Variants in SLC2A9 observed in about 807,000 individuals in gnomAD.
SLC2A9 encodes solute carrier family 2, facilitated glucose transporter member 9.
In SLC2A9, 39 loss-of-function variants were observed where a neutral mutation model predicts 50.6. That is an observed-to-expected ratio of 0.77 (90% CI 0.60 to 1.01). SLC2A9 has a LOEUF of 1.01. SLC2A9 is among the 50% of genes least tolerant of loss of function. SLC2A9 has a pLI of 0.00. For synonymous variants in SLC2A9, 324 were observed against 276.9 expected (o/e 1.17, Z -1.69); for missense variants, 686 against 677.6 (o/e 1.01, Z -0.14).
intron 1 of SLC2A9, among the ~76,000 whole-genome samples, chr4:10,037,262 C>T (rs1310352820): frequency 6.6e-6 from 1 of 152,214 alleles, no homozygotes; most frequent in African/African-American, 2.4e-5. Context: ...CACCACTGAA[C>T]TGTGTTCTGC....
In SLC2A9 at chr4:9,951,113, A is replaced by G. The variant is rs556406797; in HGVS notation, c.682-9068T>C. ...CCTAAGTGTCCATCAATGGATGAAT[A>G]AAGAAACTTTGGTATATATACATCA... On this transcript the variant is annotated intron_variant, in intron 5 of 11. Coordinates refer to ENST00000264784, the MANE Select transcript of SLC2A9 (RefSeq NM_020041.3). 7.2e-5 allele frequency among the ~76,000 whole-genome samples: 11 copies of G among 152,360 alleles called. No homozygotes were observed. The South Asian group carries it at 2.3e-3, about 32-fold the overall frequency.
At chr4:9,898,714 G>A (rs1364585876) in intron 8 of SLC2A9, among the ~76,000 whole-genome samples, 2 of 152,152 alleles carry the variant, frequency 1.3e-5, no homozygotes, top group African/African-American at 4.8e-5. Context: ...TGGGTCTGTG[G>A]GCCGTGTGGA....
intron 3 of SLC2A9, among the ~76,000 whole-genome samples, chr4:9,815,802 G>A (rs1013204080): frequency 6.6e-6 from 1 of 152,178 alleles, no homozygotes; most frequent in African/African-American, 2.4e-5. Flanking sequence ...AGGTGTCTAA[G>A]CAAGGTAATG....
At chr4:9,775,632 C>T (rs1319988929), downstream of SLC2A9, among the ~76,000 whole-genome samples, 1 of 151,794 alleles carries the variant, frequency 6.6e-6, no homozygotes, top group African/African-American at 2.4e-5. Context: ...TGGCATGTCC[C>T]TCCCCACACC....
intron 5 of SLC2A9, among the ~76,000 whole-genome samples, chr4:9,966,502 A>G (rs1481824355): frequency 1.3e-5 from 2 of 152,044 alleles, no homozygotes; most frequent in Non-Finnish European, 2.9e-5. Flanking sequence ...CCAAAAATAC[A>G]AAAATTAGCC....
intron 5 of SLC2A9, among the ~76,000 whole-genome samples, chr4:9,952,213 A>G (rs1229758421): frequency 6.6e-6 from 1 of 152,172 alleles, no homozygotes; most frequent in African/African-American, 2.4e-5. Flanking sequence ...ATTCGAATAT[A>G]TGTCCCTGCC....
chr4:9,947,389 C>T (rs925437749), intron 5 of SLC2A9, among the ~76,000 whole-genome samples: 7 of 152,230 alleles, frequency 4.6e-5, no homozygotes, highest in Non-Finnish European at 1.0e-4. Context: ...AAAGGTGCAC[C>T]GAGCACTCAG....
intron 6 of SLC2A9, among the ~76,000 whole-genome samples, chr4:9,933,968 A>T (rs1746611832): frequency 6.6e-6 from 1 of 152,112 alleles, no homozygotes; most frequent in African/African-American, 2.4e-5. Context: ...TTGTGATTGC[A>T]TTGGGCTTAC....
intron 5 of SLC2A9, among the ~76,000 whole-genome samples, chr4:9,969,127 T>C (rs1202908294): frequency 2.0e-5 from 3 of 152,200 alleles, no homozygotes; most frequent in Non-Finnish European, 2.9e-5. Context: ...CTCTCTCATC[T>C]TGTAGAGATA....
rs1736457923 is a variant in SLC2A9, at chr4:9,887,358, C to CAGG, written c.1291+206_1291+208dup. On this transcript the variant is annotated intron_variant, in intron 10 of 11. Transcript: ENST00000264784. ...TGGGAAATTATCTCCCACTCATCTT[C>CAGG]AGGTGAGTCCACTTTCACCTTCTGT... is the stretch of plus-strand genomic sequence containing the variant. 2.6e-5 allele frequency among the ~76,000 whole-genome samples: 4 copies of CAGG among 152,336 alleles called. No individual in the cohort carries two copies. The South Asian group carries it at 8.3e-4, about 32-fold the overall frequency.
At chr4:10,003,375 T>C (rs1438358726) in intron 2 of SLC2A9, among the ~76,000 whole-genome samples, 1 of 152,204 alleles carries the variant, frequency 6.6e-6, no homozygotes, top group Non-Finnish European at 1.5e-5. Flanking sequence ...TTCAGGAGCC[T>C]GGTGGGAAAA....
chr4:9,878,389 AG>A (rs1229869767), intron 10 of SLC2A9, among the ~76,000 whole-genome samples: 1 of 152,076 alleles, frequency 6.6e-6, no homozygotes, highest in East Asian at 1.9e-4. Context: ...GAGGGGCTGC[AG>A]GCTGAGTTCA....
intron 3 of SLC2A9, chr4:9,782,656 G>A (rs769157941): frequency 6.2e-7 from 1 of 1,614,000 alleles, no homozygotes; most frequent in Non-Finnish European, 8.5e-7. Context: ...ACTTTTGGGA[G>A]CCCGACGTGA....
At chr4:9,818,919 G>A (rs1302462108) in intron 3 of SLC2A9, among the ~76,000 whole-genome samples, 4 of 151,788 alleles carry the variant, frequency 2.6e-5, no homozygotes, top group Non-Finnish European at 5.9e-5. Flanking sequence ...TCAGGAGATC[G>A]AGACCATCCT....
intron 8 of SLC2A9, among the ~76,000 whole-genome samples, 183 bp from the exon 9 acceptor site, chr4:9,890,894 C>T (rs1011239814): frequency 6.6e-6 from 1 of 152,114 alleles, no homozygotes; most frequent in Non-Finnish European, 1.5e-5. Context: ...AAGGAAAAAG[C>T]GAGGGAGAGA....
At chr4:9,895,874 A>G (rs1455261938) in intron 8 of SLC2A9, among the ~76,000 whole-genome samples, 2 of 152,228 alleles carry the variant, frequency 1.3e-5, no homozygotes, top group African/African-American at 4.8e-5. Context: ...GCTTTCCAGC[A>G]CAAGGATTCG....
intron 2 of SLC2A9, among the ~76,000 whole-genome samples, chr4:10,008,094 C>T (rs1462992424): frequency 6.6e-6 from 1 of 152,238 alleles, no homozygotes; most frequent in African/African-American, 2.4e-5. Context: ...GATCAGCTAT[C>T]CCCAGCTCTC....
chr4:10,017,021 C>A (rs1467264794), intron 2 of SLC2A9, among the ~76,000 whole-genome samples: 1 of 152,202 alleles, frequency 6.6e-6, no homozygotes, highest in African/African-American at 2.4e-5. Flanking sequence ...AGCCAGGCCT[C>A]TGTGTGTGTG....
intron 10 of SLC2A9, among the ~76,000 whole-genome samples, chr4:9,849,912 G>A (rs1729586903): frequency 6.6e-6 from 1 of 152,044 alleles, no homozygotes; most frequent in South Asian, 2.1e-4. Flanking sequence ...TTTTGGATGA[G>A]CATGGTGCTG....
Sources: gnomAD v4.1 joint callset for allele counts (sites outside exome capture counted in the v4.1 genomes callset) on GRCh38, gnomAD v4.1.1 for gene constraint, MANE v1.5 for transcripts, NCBI Gene and HGNC (gene_info 2026-07-23, HGNC 2026-07-21) for gene names.